The following ZZZ3 variants were observed in gnomAD, a reference collection of about 807,000 sequenced individuals.
The protein encoded by ZZZ3 is ZZ-type zinc finger-containing protein 3.
ZZZ3 carries 22 observed loss-of-function variants against 95.2 expected under a neutral mutation model. The ratio of observed to expected loss-of-function variants is 0.23; its 90% CI spans 0.17 to 0.33. ZZZ3 has a LOEUF of 0.33. Among genes scored for constraint, ZZZ3 ranks in the 10% least tolerant of loss-of-function variants. ZZZ3 has a pLI of 1.00. For synonymous variants in ZZZ3, 335 were observed against 358.9 expected (o/e 0.93, Z 0.75); for missense variants, 885 against 1,066.5 (o/e 0.83, Z 2.37).
At chr1:77,604,253 C>T (rs1665016197) in intron 5 of ZZZ3, among the ~76,000 whole-genome samples, 2 of 152,160 alleles carry the variant, frequency 1.3e-5, no homozygotes, top group Admixed American at 6.5e-5. Flanking sequence ...TAAGGCAGGG[C>T]TAGGCATTCA....
intron 1 of ZZZ3, among the ~76,000 whole-genome samples, chr1:77,648,156 G>T (rs779807716): frequency 1.3e-5 from 2 of 151,882 alleles, no homozygotes; most frequent in African/African-American, 2.4e-5. Flanking sequence ...CCAGGAGTTT[G>T]AGACCAGCCT....
At chr1:77,613,175 TG>T (rs1359529943) in intron 5 of ZZZ3, among the ~76,000 whole-genome samples, 2 of 152,076 alleles carry the variant, frequency 1.3e-5, no homozygotes, top group Non-Finnish European at 2.9e-5. Flanking sequence ...ATATAGATGT[TG>T]GTAACTTCTT....
chr1:77,675,509 T>C (rs1306056670), intron 1 of ZZZ3, among the ~76,000 whole-genome samples: 1 of 152,232 alleles, frequency 6.6e-6, no homozygotes, highest in East Asian at 1.9e-4. Context: ...TCCCTTTAAA[T>C]CTCACCATAA....
chr1:77,567,560 TA>T (rs553675344), intron 13 of ZZZ3, among the ~76,000 whole-genome samples: 89 of 152,318 alleles, frequency 5.8e-4, no homozygotes, highest in African/African-American at 2.1e-3. Flanking sequence ...TGGCAAAATT[TA>T]TAAGGCGGTG....
At chr1:77,652,511 C>T (rs530983386) in intron 1 of ZZZ3, among the ~76,000 whole-genome samples, 32 of 152,324 alleles carry the variant, frequency 2.1e-4, no homozygotes, top group African/African-American at 7.0e-4. Flanking sequence ...CAAAATGGTG[C>T]AGCTGCTTTG....
chr1:77,583,699 A>T (rs1557698650), intron 6 of ZZZ3, among the ~76,000 whole-genome samples: 1 of 152,200 alleles, frequency 6.6e-6, no homozygotes, highest in Non-Finnish European at 1.5e-5. Flanking sequence ...AAGATACTAA[A>T]GTTGTCATAC....
intron 12 of ZZZ3, 68 bp downstream of exon 12, chr1:77,576,000 A>T: frequency 8.0e-7 from 1 of 1,247,136 alleles, no homozygotes; most frequent in Non-Finnish European, 1.1e-6. Flanking sequence ...TGAAGAGTGG[A>T]AATAATTAGA....
intron 3 of ZZZ3, among the ~76,000 whole-genome samples, chr1:77,639,966 A>G (rs917660429): frequency 1.3e-5 from 2 of 151,834 alleles, no homozygotes; most frequent in Non-Finnish European, 2.9e-5. Context: ...AGAATTTATA[A>G]TATCATCTCG....
intron 1 of ZZZ3, among the ~76,000 whole-genome samples, chr1:77,675,738 A>T (rs931564760): frequency 2.0e-5 from 3 of 152,224 alleles, no homozygotes; most frequent in African/African-American, 7.2e-5. Flanking sequence ...ACAGCTTTGT[A>T]GCCATCACAA....
Position 77,565,702 on chromosome 1 carries a change from A to G in ZZZ3, c.2650T>C (p.Cys884Arg), listed in dbSNP as rs1417562000. 1 of 1,613,816 alleles carries G rather than the reference A, an allele frequency of 6.2e-7. No homozygotes were observed. Among genetic ancestry groups the G allele is most frequent in the South Asian group, 1.1e-5 (1 of 91,078 alleles). ...RSETFLDRDY[C>R]VSQGTSYNYL... is the part of the protein sequence containing the mutation. ...TTGTAACTGGTGCCCTGAGACACAC[A>G]GTAGTCTCTGTCTAAGAATGTCTCT... Residue 884 changes from cysteine to arginine, a missense_variant, in exon 15 of 15, where the codon TGT becomes CGT. By Grantham distance (180) the Cys-to-Arg change is radical. Coordinates refer to ENST00000370801, the MANE Select transcript of ZZZ3 (RefSeq NM_015534.6).
At chr1:77,574,242 C>T (rs1298847930) in intron 12 of ZZZ3, among the ~76,000 whole-genome samples, 2 of 150,278 alleles carry the variant, frequency 1.3e-5, no homozygotes, top group Non-Finnish European at 3.0e-5. Flanking sequence ...TTTCAGGAAC[C>T]ATATTAATAG....
intron 1 of ZZZ3, among the ~76,000 whole-genome samples, chr1:77,661,366 T>A (rs945124040): frequency 6.6e-6 from 1 of 152,024 alleles, no homozygotes; most frequent in Non-Finnish European, 1.5e-5. Flanking sequence ...TGAGCCAAGA[T>A]CACGCCATTA....
intron 8 of ZZZ3, among the ~76,000 whole-genome samples, chr1:77,581,316 AAAAGGG>A (rs1319135839): frequency 6.6e-6 from 1 of 152,168 alleles, no homozygotes; most frequent in Non-Finnish European, 1.5e-5. Context: ...CATTTTTTAA[AAAAGGG>A]AAAGGAAATG....
chr1:77,640,617 AGAG>A (rs1668698569), intron 3 of ZZZ3, among the ~76,000 whole-genome samples: 1 of 150,994 alleles, frequency 6.6e-6, no homozygotes, highest in African/African-American at 2.4e-5. Flanking sequence ...AAAAAAAAAA[AGAG>A]AGAATGTACA....
intron 9 of ZZZ3, 116 bp from the exon 10 acceptor site, chr1:77,579,744 G>A: frequency 1.7e-6 from 1 of 599,046 alleles, no homozygotes; most frequent in Non-Finnish European, 2.7e-6. Context: ...CCCACCTTTG[G>A]GGGTTACGTA....
chr1:77,623,350 G>A (rs1667054241), intron 5 of ZZZ3, among the ~76,000 whole-genome samples: 10 of 152,104 alleles, frequency 6.6e-5, no homozygotes, highest in Admixed American at 6.5e-4. Flanking sequence ...TCTTGAGTCT[G>A]GCTGAATATA....
chr1:77,637,239 T>C (rs762400768), intron 4 of ZZZ3, among the ~76,000 whole-genome samples: 1 of 152,084 alleles, frequency 6.6e-6, no homozygotes, highest in Non-Finnish European at 1.5e-5. Flanking sequence ...TGGATCCTAA[T>C]AATAAAAAAA....
intron 5 of ZZZ3, among the ~76,000 whole-genome samples, chr1:77,628,738 G>C (rs1667533309): frequency 6.6e-6 from 1 of 152,148 alleles, no homozygotes; most frequent in Admixed American, 6.5e-5. Flanking sequence ...TGTCCTCCTG[G>C]CTCTAGACAA....
intron 5 of ZZZ3, among the ~76,000 whole-genome samples, chr1:77,604,918 G>T (rs1665082003): frequency 6.6e-6 from 1 of 152,038 alleles, no homozygotes; most frequent in South Asian, 2.1e-4. Context: ...CAAAGTGTAG[G>T]AGAAAATGTT....
Sources: allele counts gnomAD v4.1 joint callset (sites outside exome capture counted in the v4.1 genomes callset), GRCh38; gene constraint gnomAD v4.1.1; transcripts MANE v1.5; gene names NCBI Gene and HGNC (gene_info 2026-07-23, HGNC 2026-07-21).